Variants in VEZT observed in about 807,000 individuals in gnomAD.
VEZT encodes the protein vezatin, adherens junctions transmembrane protein.
A neutral mutation model predicts 79.9 loss-of-function variants in VEZT; 39 were observed. That is an observed-to-expected ratio of 0.49 (90% CI 0.38 to 0.64). The LOEUF is 0.64. VEZT is among the 30% of genes least tolerant of loss of function. VEZT has a pLI of 0.00. For synonymous variants in VEZT, 325 were observed against 327.6 expected (o/e 0.99, Z 0.09); for missense variants, 837 against 893.1 (o/e 0.94, Z 0.80).
In VEZT at chr12:95,287,826, C is replaced by T. The variant is rs1309899788; in HGVS notation, c.1491C>T (p.Asp497=). 1 of 1,604,242 alleles carries T rather than the reference C, an allele frequency of 6.2e-7. No homozygotes were observed. Among genetic ancestry groups the T allele is most frequent in the South Asian group, 1.1e-5 (1 of 88,834 alleles). ...NCWEEAISQV[D]KLLRRNTDKK... is the part of the protein sequence containing the mutation. ...GGGAAGAGGCCATTTCTCAGGTCGA[C>T]AAACTGCTACGAAGAAATACAGATA... The change falls in exon 9 of 12, where the codon GAC becomes GAT. Residue 497 remains aspartate, a synonymous_variant. Transcript: ENST00000436874.
chr12:95,255,631 C>T (rs1321073309), intron 2 of VEZT, among the ~76,000 whole-genome samples: 14 of 152,052 alleles, frequency 9.2e-5, no homozygotes, highest in African/African-American at 3.4e-4. Flanking sequence ...CGGGGTTTCA[C>T]TATGTTGGCC....
rs543785591 is a variant in VEZT at position 95,229,869 on chromosome 12, C to T, written c.36+11983C>T. ...CTTTCAGAGGGTGAGGCAGGCGGAT[C>T]GCCTGGGGTCAGGAGTTCGAGATCA... On this transcript the variant is annotated intron_variant, in intron 1 of 11. Transcript: ENST00000436874. 2.4e-4 allele frequency among the ~76,000 whole-genome samples: 36 copies of T among 152,158 alleles called. No homozygotes were observed. In the South Asian group the frequency reaches 4.8e-3, roughly 20 times the overall value.
chr12:95,228,443 A>G (rs1328643874), intron 1 of VEZT, among the ~76,000 whole-genome samples: 1 of 152,134 alleles, frequency 6.6e-6, no homozygotes, highest in African/African-American at 2.4e-5. Flanking sequence ...AGTATTTGCT[A>G]TTTTGATAAT....
chr12:95,292,404 G>A (rs1286295865), intron 9 of VEZT, among the ~76,000 whole-genome samples: 1 of 152,056 alleles, frequency 6.6e-6, no homozygotes, highest in Non-Finnish European at 1.5e-5. Flanking sequence ...TGTCACCATT[G>A]ATGTAATGAA....
intron 9 of VEZT, chr12:95,293,718 T>G (rs1357440832): frequency 6.5e-6 from 1 of 154,696 alleles, no homozygotes; most frequent in Non-Finnish European, 1.4e-5. Flanking sequence ...CCAGATACTG[T>G]GAAGAGGTGA....
intron 1 of VEZT, among the ~76,000 whole-genome samples, chr12:95,250,038 A>C (rs1349440459): frequency 2.7e-5 from 4 of 147,952 alleles, no homozygotes; most frequent in Non-Finnish European, 6.0e-5. Flanking sequence ...CTGTTGTTTT[A>C]TCTCTAAAAC....
intron 1 of VEZT, among the ~76,000 whole-genome samples, chr12:95,238,745 A>G (rs574340658): frequency 1.3e-5 from 2 of 152,212 alleles, no homozygotes; most frequent in Admixed American, 1.3e-4. Flanking sequence ...CAGAAATCTT[A>G]ATCTTGATCC....
Position 95,257,247 on chromosome 12 carries a change from G to C in VEZT, c.258+8G>C. 6.3e-7 allele frequency: 1 copy of C among 1,595,762 alleles called. No individual in the cohort carries two copies. The highest frequency in any genetic ancestry group is 1.3e-5 in the African/African-American group (1 of 74,554). The stretch of plus-strand genomic sequence containing the variant: ...GACTTACTTCACAAGTTGGTAAGTG[G>C]TCACTTCTTTTTGCCACTTTTCAGG... On this transcript the variant is annotated splice_region_variant and intron_variant, in intron 3 of 11. Coordinates refer to ENST00000436874, the MANE Select transcript of VEZT (RefSeq NM_017599.4).
In VEZT at chr12:95,252,079, C is replaced by A; in HGVS notation, c.168+8C>A. 2 of 1,599,458 alleles carry A rather than the reference C, an allele frequency of 1.3e-6. No individual in the cohort carries two copies. Among genetic ancestry groups the A allele is most frequent in the Non-Finnish European group, 1.7e-6 (2 of 1,175,348 alleles). On this transcript the variant is annotated splice_region_variant and intron_variant, in intron 2 of 11. Transcript: ENST00000436874. ...ACAAGAGTCCTACCAAAAGTAAGAA[C>A]GCATGCTCATTCTTTCTGGCCGAAT...
At chr12:95,234,866 A>C (rs1400935304) in intron 1 of VEZT, among the ~76,000 whole-genome samples, 1 of 152,074 alleles carries the variant, frequency 6.6e-6, no homozygotes, top group Non-Finnish European at 1.5e-5. Flanking sequence ...ACTCTTAAGG[A>C]GCATGCTGCC....
At chr12:95,297,519 C>T (rs1206526777) in intron 11 of VEZT, among the ~76,000 whole-genome samples, 1 of 152,184 alleles carries the variant, frequency 6.6e-6, no homozygotes, top group African/African-American at 2.4e-5. Flanking sequence ...AGTAGATTAT[C>T]CTTGTACATT....
At chr12:95,262,847 G>A in intron 3 of VEZT, 59 bp from the exon 4 acceptor site, 3 of 1,382,568 alleles carry the variant, frequency 2.2e-6, no homozygotes, top group Non-Finnish European at 2.9e-6. Context: ...TAGGAGCTTA[G>A]CGTTTAATGC....
chr12:95,263,568 T>C (rs921229889), intron 4 of VEZT, among the ~76,000 whole-genome samples: 3 of 152,128 alleles, frequency 2.0e-5, no homozygotes, highest in Non-Finnish European at 2.9e-5. Context: ...GGAGGATTGC[T>C]TGAGCCCAGC....
chr12:95,254,264 A>C (rs1038112078), intron 2 of VEZT, among the ~76,000 whole-genome samples: 2 of 148,462 alleles, frequency 1.3e-5, no homozygotes, highest in Non-Finnish European at 3.0e-5. Context: ...GATGTGAGCC[A>C]CCACACCCAG....
rs770010739 is a variant in VEZT, at chr12:95,282,289, G to GTTCTTTT, written c.997-10_997-4dup. ...ACTGACCAATATTTTTATTGATCTA[G>GTTCTTTT]TTCTTTTTTCTTTTTTCTTTAAGGT... On this transcript the variant is annotated intron_variant, in intron 7 of 11. Coordinates refer to ENST00000436874, the MANE Select transcript of VEZT (RefSeq NM_017599.4). 16 of 1,552,314 alleles carry GTTCTTTT rather than the reference G, an allele frequency of 1.0e-5. No homozygotes were observed. In the South Asian group the frequency reaches 1.1e-4, roughly 11 times the overall value.
intron 1 of VEZT, among the ~76,000 whole-genome samples, chr12:95,251,111 A>G (rs2062533753): frequency 6.6e-6 from 1 of 152,024 alleles, no homozygotes; most frequent in Admixed American, 6.5e-5. Context: ...CCTGGGTTCA[A>G]GCGATTCTCC....
At chr12:95,256,659 T>G in intron 2 of VEZT, 3 of 1,139,518 alleles carry the variant, frequency 2.6e-6, no homozygotes, top group Non-Finnish European at 3.5e-6. Context: ...TAGTAAAGCT[T>G]TTTTATCAAT....
In VEZT at chr12:95,233,725, A is replaced by G. The variant is rs79623461; in HGVS notation, c.36+15839A>G. Among the ~76,000 whole-genome samples the G allele has an allele frequency of 5.6e-4, 86 of 152,278 alleles. 1 individual carries two copies. In the East Asian group the frequency reaches 0.015, roughly 26 times the overall value. On this transcript the variant is annotated intron_variant, in intron 1 of 11. Coordinates refer to ENST00000436874, the MANE Select transcript of VEZT (RefSeq NM_017599.4). ...CCAATGTTGGTATATTTTCTTTCAG[A>G]TTATTCTCAGCGCAATTACATTCAT...
chr12:95,265,423 A>C (rs1306513408), intron 4 of VEZT, among the ~76,000 whole-genome samples: 1 of 149,866 alleles, frequency 6.7e-6, no homozygotes, highest in African/African-American at 2.5e-5. Flanking sequence ...AATTGGAAAA[A>C]TGTGTACATA....
Sources: allele counts gnomAD v4.1 joint callset (sites outside exome capture counted in the v4.1 genomes callset), GRCh38; gene constraint gnomAD v4.1.1; transcripts MANE v1.5; gene names NCBI Gene and HGNC (gene_info 2026-07-23, HGNC 2026-07-21).